Variants in C4orf51 observed in about 807,000 individuals in gnomAD.
C4orf51 encodes chromosome 4 open reading frame 51.
C4orf51 carries 25 observed loss-of-function variants against 25.2 expected under a neutral mutation model. That is an observed-to-expected ratio of 0.99 (90% confidence interval 0.72 to 1.39). The LOEUF (loss-of-function observed/expected upper bound fraction) is 1.39. Among genes scored for constraint, C4orf51 ranks in the 40% most tolerant of loss-of-function variants. C4orf51 has a pLI of 0.00. For missense variants in C4orf51, 252 were observed against 239.6 expected (o/e 1.05, Z -0.34); for synonymous variants, 100 against 84.5 (o/e 1.18, Z -1.01).
rs367908353 is a variant in C4orf51, at chr4:145,732,530, C to T, written c.579C>T (p.Gly193=). 92 of 1,610,176 alleles carry T rather than the reference C, an allele frequency of 5.7e-5. No individual in the cohort carries two copies. The highest frequency in any genetic ancestry group is 4.3e-5 in the Non-Finnish European group (51 of 1,178,650). Residue 193 remains glycine (G), a synonymous_variant, in exon 6 of 6, where the codon GGC becomes GGT. Coordinates refer to ENST00000438731, the MANE Select transcript of C4orf51 (RefSeq NM_001080531.3). ...AAGCTGATCGATACTCCGATTATGG[C>T]TGGGGAGGACCCTCATCGCCATTTA... is the stretch of plus-strand genomic sequence containing the variant. ...DSEADRYSDY[G]WGGPSSPFN is the part of the protein sequence containing the mutation.
chr4:145,695,806 A>C (rs1199401562), intron 1 of C4orf51, among the ~76,000 whole-genome samples: 14 of 152,254 alleles, frequency 9.2e-5, no homozygotes, highest in Admixed American at 7.9e-4. Flanking sequence ...TGGGGTACAT[A>C]TACATCATGA....
intron 1 of C4orf51, among the ~76,000 whole-genome samples, chr4:145,694,647 G>A (rs28536690): frequency 2.1e-5 from 1 of 47,526 alleles, no homozygotes. Context: ...GGAGGGAGGT[G>A]GGGGGGTCAG....
At chr4:145,788,523 A>G in the C4orf51 span, among the ~76,000 whole-genome samples, 1 of 152,224 alleles carries the variant, frequency 6.6e-6, no homozygotes, top group African/African-American at 2.4e-5. Flanking sequence ...TGTTGCTTCT[A>G]TGTTTTCCCT....
chr4:145,696,460 T>A, intron 1 of C4orf51, 99 bp from the exon 2 acceptor site: 1 of 1,024,586 alleles, frequency 9.8e-7, no homozygotes, highest in South Asian at 1.4e-5. Context: ...AATGAAAGTT[T>A]TAAAAAAAGA....
chr4:145,774,124 T>C (rs1187624302), downstream of C4orf51, among the ~76,000 whole-genome samples: 4 of 152,040 alleles, frequency 2.6e-5, no homozygotes, highest in African/African-American at 9.7e-5. Context: ...CTGTACAGTG[T>C]GATAATAATA....
chr4:145,704,578 C>T (rs957364730), intron 2 of C4orf51, among the ~76,000 whole-genome samples: 7 of 152,056 alleles, frequency 4.6e-5, no homozygotes, highest in African/African-American at 1.7e-4. Context: ...TTTCATTGGT[C>T]TGTGTGTCTG....
downstream of C4orf51, among the ~76,000 whole-genome samples, chr4:145,737,287 T>C (rs1354425915): frequency 6.6e-6 from 1 of 152,178 alleles, no homozygotes; most frequent in Non-Finnish European, 1.5e-5. Context: ...TTAAAACATA[T>C]TTTTGTAGGT....
downstream of C4orf51, among the ~76,000 whole-genome samples, chr4:145,735,663 C>T (rs182200533): frequency 2.0e-5 from 3 of 152,304 alleles, no homozygotes; most frequent in Admixed American, 6.5e-5. Flanking sequence ...ATGAGGTCTT[C>T]GTGCAGCAGC....
intron 2 of C4orf51, among the ~76,000 whole-genome samples, chr4:145,716,443 C>T (rs1321278820): frequency 6.6e-6 from 1 of 152,202 alleles, no homozygotes; most frequent in Non-Finnish European, 1.5e-5. Context: ...CTTGGCTGGG[C>T]AGCCACTTCC....
chr4:145,682,952 T>C (rs1728923169), intron 1 of C4orf51, among the ~76,000 whole-genome samples: 1 of 152,046 alleles, frequency 6.6e-6, no homozygotes, highest in Non-Finnish European at 1.5e-5. Context: ...ACTGTCTTTG[T>C]TTGCAGATGA....
chr4:145,698,497 G>A (rs1395265827), intron 2 of C4orf51, among the ~76,000 whole-genome samples: 1 of 152,262 alleles, frequency 6.6e-6, no homozygotes, highest in Non-Finnish European at 1.5e-5. Flanking sequence ...AAGACCTGGA[G>A]TAGAACAGAA....
At chr4:145,752,300 C>T (rs563997038) in intron 1 of C4orf51, among the ~76,000 whole-genome samples, 7 of 152,306 alleles carry the variant, frequency 4.6e-5, no homozygotes, top group African/African-American at 1.4e-4. Context: ...ACCCAAAGTT[C>T]TTGATGTACT....
At chr4:145,771,578 T>C (rs1736290254), downstream of C4orf51, among the ~76,000 whole-genome samples, 1 of 152,192 alleles carries the variant, frequency 6.6e-6, no homozygotes, top group Non-Finnish European at 1.5e-5. Flanking sequence ...TGATATTCTC[T>C]GCAGGGACAA....
At chr4:145,720,062 G>A (rs1731646844) in intron 2 of C4orf51, among the ~76,000 whole-genome samples, 1 of 152,194 alleles carries the variant, frequency 6.6e-6, no homozygotes, top group Admixed American at 6.5e-5. Flanking sequence ...CATTTCCAAA[G>A]CTTATTGATC....
intron 2 of C4orf51, among the ~76,000 whole-genome samples, chr4:145,715,872 A>G (rs760548268): frequency 6.6e-6 from 1 of 152,156 alleles, no homozygotes; most frequent in Non-Finnish European, 1.5e-5. Context: ...TGTCTTTCAT[A>G]TTAGTCCCAG....
chr4:145,724,999 T>A (rs1386255298), intron 2 of C4orf51, among the ~76,000 whole-genome samples: 1 of 149,774 alleles, frequency 6.7e-6, no homozygotes, highest in African/African-American at 2.5e-5. Context: ...TGCAAAGGTA[T>A]AAGAATAACA....
chr4:145,695,847 T>C (rs777580519), intron 1 of C4orf51, among the ~76,000 whole-genome samples: 18 of 152,176 alleles, frequency 1.2e-4, no homozygotes, highest in Non-Finnish European at 2.2e-4. Context: ...AAGAACAAGA[T>C]CATATCTTTT....
At chr4:145,685,454 C>A (rs945952307) in intron 1 of C4orf51, among the ~76,000 whole-genome samples, 2 of 152,178 alleles carry the variant, frequency 1.3e-5, no homozygotes, top group African/African-American at 4.8e-5. Context: ...GAGCTGAGCT[C>A]CCTCAGTGAG....
At chr4:145,696,298 G>GA (rs1211023689) in intron 1 of C4orf51, among the ~76,000 whole-genome samples, 6 of 152,160 alleles carry the variant, frequency 3.9e-5, no homozygotes, top group African/African-American at 1.2e-4. Flanking sequence ...GGGTCTACTG[G>GA]ATGGTGGAGG....
Sources: gnomAD v4.1 joint callset for allele counts (sites outside exome capture counted in the v4.1 genomes callset) on GRCh38, gnomAD v4.1.1 for gene constraint, MANE v1.5 for transcripts, NCBI Gene and HGNC (gene_info 2026-07-23, HGNC 2026-07-21) for gene names.